The following CUL2 variants were observed in gnomAD, a reference collection of about 807,000 sequenced individuals.
The protein encoded by CUL2 is cullin-2.
CUL2 carries 22 observed loss-of-function variants against 110.2 expected under a neutral mutation model. The ratio of observed to expected loss-of-function variants is 0.20; its 90% CI spans 0.14 to 0.28. The LOEUF (loss-of-function observed/expected upper bound fraction) is 0.28, where lower values mean the gene tolerates loss of function less well. CUL2 is among the 10% of genes least tolerant of loss of function. The pLI, the probability that CUL2 is intolerant of heterozygous loss-of-function variation, is 1.00. For missense variants in CUL2, 631 were observed against 905.5 expected (o/e 0.70, Z 3.89); for synonymous variants, 279 against 293.2 (o/e 0.95, Z 0.49).
At chr10:35,085,475 T>G (rs2135058574) in intron 1 of CUL2, among the ~76,000 whole-genome samples, 1 of 151,814 alleles carries the variant, frequency 6.6e-6, no homozygotes, top group Middle Eastern at 3.4e-3. Flanking sequence ...AGGCGCGGTG[T>G]GGCTCACACC....
intron 1 of CUL2, among the ~76,000 whole-genome samples, chr10:35,116,128 A>C (rs967412309): frequency 5.3e-5 from 8 of 152,062 alleles, no homozygotes; most frequent in African/African-American, 1.9e-4. Flanking sequence ...AGATAACCTG[A>C]GGTCAGGAGT....
At chr10:35,077,557 C>A (rs1433197993) in intron 1 of CUL2, among the ~76,000 whole-genome samples, 1 of 151,828 alleles carries the variant, frequency 6.6e-6, no homozygotes, top group Non-Finnish European at 1.5e-5. Flanking sequence ...GTGGCTCACA[C>A]CTGTAATCCC....
chr10:35,011,384 G>A (rs1390012044), intron 20 of CUL2, among the ~76,000 whole-genome samples: 11 of 152,038 alleles, frequency 7.2e-5, no homozygotes, highest in Non-Finnish European at 2.9e-5. Flanking sequence ...TTTGGAGGCC[G>A]AGGCAGGTGG....
upstream of CUL2, among the ~76,000 whole-genome samples, chr10:35,095,048 G>C (rs1241368656): frequency 1.3e-5 from 2 of 152,072 alleles, no homozygotes; most frequent in Non-Finnish European, 2.9e-5. Flanking sequence ...GGGCACAATG[G>C]CTCACACTTG....
At chr10:35,017,670 G>A (rs2085070282) in intron 17 of CUL2, among the ~76,000 whole-genome samples, 1 of 150,262 alleles carries the variant, frequency 6.7e-6, no homozygotes, top group African/African-American at 2.5e-5. Context: ...TCAAACCTGG[G>A]CGACAGAATG....
intron 17 of CUL2, among the ~76,000 whole-genome samples, chr10:35,024,495 T>C (rs2085288425): frequency 6.6e-6 from 1 of 152,184 alleles, no homozygotes; most frequent in South Asian, 2.1e-4. Flanking sequence ...TGTCAAAGCA[T>C]AGTTTAGCAA....
intron 16 of CUL2, among the ~76,000 whole-genome samples, chr10:35,025,961 G>C (rs2085327203): frequency 6.6e-6 from 1 of 152,102 alleles, no homozygotes; most frequent in Non-Finnish European, 1.5e-5. Flanking sequence ...GCTTTTATTT[G>C]TATATCAAAC....
intron 3 of CUL2, among the ~76,000 whole-genome samples, chr10:35,062,158 TATAGCAAA>T (rs1485943543): frequency 6.6e-6 from 1 of 152,198 alleles, no homozygotes; most frequent in Non-Finnish European, 1.5e-5. Context: ...AAATGCTGTC[TATAGCAAA>T]ATACTGCAAA....
At chr10:35,084,716 C>T (rs972776680) in intron 1 of CUL2, among the ~76,000 whole-genome samples, 8 of 152,278 alleles carry the variant, frequency 5.3e-5, no homozygotes, top group African/African-American at 1.9e-4. Flanking sequence ...TTATAAATCT[C>T]ATAACATTCC....
At chr10:35,015,474 A>G (rs1331953094) in intron 18 of CUL2, among the ~76,000 whole-genome samples, 1 of 152,152 alleles carries the variant, frequency 6.6e-6, no homozygotes, top group East Asian at 1.9e-4. Flanking sequence ...TGAGAGAAAT[A>G]AACTGTAGGC....
In CUL2 at chr10:35,029,283, C is replaced by T. The variant is rs370338913; in HGVS notation, c.1539+205G>A. Among the ~76,000 whole-genome samples, 94 of 152,270 alleles carry T rather than the reference C, an allele frequency of 6.2e-4. 1 individual carries two copies. In the South Asian group the frequency reaches 0.018, roughly 29 times the overall value. ...TGTTGGCCAGGCTGGTCTGGAACTC[C>T]TGAGCTCAAGAGATCTGCCTGCTTT... On this transcript the variant is annotated intron_variant, in intron 15 of 20. Transcript: ENST00000374749.
intron 20 of CUL2, among the ~76,000 whole-genome samples, chr10:35,010,741 G>T (rs35705723): frequency 0.14 from 20,607 of 152,174 alleles, 1,588 homozygotes; most frequent in South Asian, 0.2. Context: ...TTCCCCAGCA[G>T]CCCCTAGGCC....
chr10:35,058,344 C>G (rs1357030596), intron 4 of CUL2, among the ~76,000 whole-genome samples: 1 of 152,116 alleles, frequency 6.6e-6, no homozygotes, highest in Admixed American at 6.5e-5. Flanking sequence ...TAGCCAGACC[C>G]CCGTGGTAAG....
chr10:35,070,158 T>TA (rs1287635817), intron 2 of CUL2, among the ~76,000 whole-genome samples: 1 of 152,214 alleles, frequency 6.6e-6, no homozygotes, highest in Non-Finnish European at 1.5e-5. Flanking sequence ...ACTGATCTGA[T>TA]AGACTTGTTT....
intron 2 of CUL2, chr10:35,063,753 T>C (rs2086444648): frequency 6.6e-6 from 1 of 151,628 alleles, no homozygotes. Context: ...CATTTCCTTT[T>C]TTTTTTTTTT....
At chr10:35,074,039 C>T (rs1194135485) in intron 1 of CUL2, 3 of 768,014 alleles carry the variant, frequency 3.9e-6, no homozygotes, top group Non-Finnish European at 4.5e-6. Context: ...CTGCTGTGTG[C>T]AACCATGCTA....
At chr10:35,034,754 C>A (rs893762848) in intron 10 of CUL2, among the ~76,000 whole-genome samples, 2 of 152,138 alleles carry the variant, frequency 1.3e-5, no homozygotes, top group African/African-American at 4.8e-5. Context: ...TTATTTTAAT[C>A]TAAATTTGCT....
chr10:35,038,880 A>C (rs746083042), intron 9 of CUL2, 40 bp downstream of exon 9: 15 of 1,405,008 alleles, frequency 1.1e-5, no homozygotes, highest in Non-Finnish European at 1.4e-5. Context: ...TAAAAGGTGG[A>C]TTTATAATTT....
intron 8 of CUL2, 93 bp downstream of exon 8, chr10:35,044,473 C>T: frequency 1.1e-5 from 8 of 717,256 alleles, no homozygotes; most frequent in South Asian, 7.7e-5. Context: ...ATTTTTCCAC[C>T]AAGAAACAAA....
Sources: gnomAD v4.1 joint callset for allele counts (sites outside exome capture counted in the v4.1 genomes callset) on GRCh38, gnomAD v4.1.1 for gene constraint, MANE v1.5 for transcripts, NCBI Gene and HGNC (gene_info 2026-07-23, HGNC 2026-07-21) for gene names.